The following CNTN6 variants were observed in gnomAD, a reference collection of about 807,000 sequenced individuals.
The protein encoded by CNTN6 is contactin 6, also known as contactin-6.
A neutral mutation model predicts 122.8 loss-of-function variants in CNTN6; 137 were observed. The observed-to-expected ratio is 1.12, with a 90% confidence interval of 0.97 to 1.29. The LOEUF is 1.29. Ranked by LOEUF, CNTN6 falls within the 50% of genes most tolerant of loss-of-function variation. The pLI is 0.00. For synonymous variants in CNTN6, 570 were observed against 426.0 expected, an observed-to-expected ratio of 1.34 and a Z score of -4.16; for missense variants, 1,634 against 1,223.4, an observed-to-expected ratio of 1.34 and a Z score of -5.01.
At chr3:1,273,482 A>G (rs1448001892) in intron 4 of CNTN6, among the ~76,000 whole-genome samples, 4 of 152,206 alleles carry the variant, frequency 2.6e-5, no homozygotes, top group Non-Finnish European at 5.9e-5. Flanking sequence ...CTTGCCTCAG[A>G]AAATGATCTG....
chr3:1,113,763 C>G (rs1217950640), intron 1 of CNTN6, among the ~76,000 whole-genome samples: 5 of 152,140 alleles, frequency 3.3e-5, no homozygotes, highest in Non-Finnish European at 1.5e-5. Flanking sequence ...CTGAAGACCT[C>G]TATTTAATCA....
At chr3:1,331,564 G>A (rs977311594) in intron 11 of CNTN6, among the ~76,000 whole-genome samples, 3 of 151,930 alleles carry the variant, frequency 2.0e-5, no homozygotes, top group African/African-American at 4.8e-5. Context: ...CTTTTTAAAT[G>A]TTTCCTCATG....
chr3:1,401,347 C>T, intron 20 of CNTN6, 86 bp from the exon 21 acceptor site: 1 of 1,042,432 alleles, frequency 9.6e-7, no homozygotes, highest in South Asian at 1.4e-5. Context: ...TCATCGAAGA[C>T]TTATTTTTTC....
intron 5 of CNTN6, among the ~76,000 whole-genome samples, chr3:1,287,171 TAAC>T (rs1300023245): frequency 2.0e-5 from 3 of 152,078 alleles, no homozygotes; most frequent in Non-Finnish European, 4.4e-5. Flanking sequence ...GACAGAAAAT[TAAC>T]AACGATATTC....
chr3:1,160,348 A>G (rs112837807), intron 2 of CNTN6, among the ~76,000 whole-genome samples: 3 of 87,896 alleles, frequency 3.4e-5, no homozygotes, highest in African/African-American at 1.8e-4. Context: ...TTTACTGTAT[A>G]TATATATATA....
chr3:1,278,807 G>C lies in CNTN6; in HGVS notation c.454+299G>C, dbSNP rs1299615080. 5.3e-5 allele frequency among the ~76,000 whole-genome samples: 8 copies of C among 152,104 alleles called. No homozygotes were observed. The South Asian group carries it at 1.7e-3, about 31-fold the overall frequency. On this transcript the variant is annotated intron_variant, in intron 5 of 22. Coordinates refer to ENST00000446702, the MANE Select transcript of CNTN6 (RefSeq NM_001289080.2). ...CAGCTGTAATTCGGTGCTGTGACAG[G>C]CAAACTTCATGACAAGGGGACAATT...
intron 7 of CNTN6, among the ~76,000 whole-genome samples, chr3:1,312,911 C>T (rs772634762): frequency 6.6e-5 from 10 of 151,058 alleles, no homozygotes; most frequent in Non-Finnish European, 1.2e-4. Context: ...CAACTGTAAT[C>T]GTATGTTTGA....
At chr3:1,284,099 C>G (rs559261306) in intron 5 of CNTN6, among the ~76,000 whole-genome samples, 1 of 152,304 alleles carries the variant, frequency 6.6e-6, no homozygotes, top group African/African-American at 2.4e-5. Flanking sequence ...CCATTCTCTC[C>G]TCAGATGCAA....
chr3:1,355,227 A>G (rs1706356835), intron 12 of CNTN6, among the ~76,000 whole-genome samples: 1 of 151,674 alleles, frequency 6.6e-6, no homozygotes. Context: ...GTACATACTT[A>G]ACCACACAAA....
intron 2 of CNTN6, among the ~76,000 whole-genome samples, chr3:1,188,157 A>G (rs2093654891): frequency 6.6e-6 from 1 of 152,206 alleles, no homozygotes; most frequent in African/African-American, 2.4e-5. Flanking sequence ...TTGAAAAACC[A>G]TATCCCCACC....
intron 1 of CNTN6, among the ~76,000 whole-genome samples, chr3:1,134,397 G>A (rs2092419314): frequency 1.3e-5 from 2 of 152,092 alleles, no homozygotes; most frequent in Non-Finnish European, 2.9e-5. Flanking sequence ...GTCTCCTACA[G>A]TGTGCTCTGT....
chr3:1,142,428 A>G (rs2092629540), intron 1 of CNTN6, among the ~76,000 whole-genome samples: 1 of 152,156 alleles, frequency 6.6e-6, no homozygotes, highest in South Asian at 2.1e-4. Flanking sequence ...ACTTCAAAAT[A>G]CAGGACTGCA....
At chr3:1,101,088 G>A (rs1015361641) in intron 1 of CNTN6, among the ~76,000 whole-genome samples, 1 of 151,982 alleles carries the variant, frequency 6.6e-6, no homozygotes, top group Admixed American at 6.6e-5. Context: ...AATATCTCTG[G>A]TTCTGGACTA....
intron 6 of CNTN6, 125 bp from the exon 7 acceptor site, chr3:1,297,764 A>G: frequency 2.6e-6 from 2 of 757,834 alleles, no homozygotes; most frequent in Non-Finnish European, 4.4e-6. Context: ...ATATGTATCC[A>G]ATTCTTAACT....
intron 11 of CNTN6, among the ~76,000 whole-genome samples, chr3:1,345,548 A>C (rs759226416): frequency 1.3e-5 from 2 of 152,202 alleles, no homozygotes; most frequent in African/African-American, 2.4e-5. Context: ...TAAAATAAGA[A>C]ATTTTTAAAA....
chr3:1,142,439 T>C (rs2092629783), intron 1 of CNTN6, among the ~76,000 whole-genome samples: 1 of 152,166 alleles, frequency 6.6e-6, no homozygotes, highest in Non-Finnish European at 1.5e-5. Flanking sequence ...CAGGACTGCA[T>C]CTTTTTCTAC....
At chr3:1,277,722 C>A (rs184836527) in intron 4 of CNTN6, among the ~76,000 whole-genome samples, 1 of 152,200 alleles carries the variant, frequency 6.6e-6, no homozygotes, top group Admixed American at 6.5e-5. Flanking sequence ...GGTAAAGAAA[C>A]TGAGGCTCAA....
At chr3:1,383,664 CAAAAAA>C (rs373934800) in intron 19 of CNTN6, among the ~76,000 whole-genome samples, 13 of 145,148 alleles carry the variant, frequency 9.0e-5, no homozygotes, top group African/African-American at 2.7e-4. Flanking sequence ...AAAACAAAAA[CAAAAAA>C]AAACAGCTTT....
At chr3:1,159,883 C>A (rs915589271) in intron 2 of CNTN6, among the ~76,000 whole-genome samples, 6 of 152,010 alleles carry the variant, frequency 3.9e-5, no homozygotes, top group African/African-American at 1.2e-4. Context: ...TACAGTGGCG[C>A]GGTCTCAGCT....
Sources: allele counts gnomAD v4.1 joint callset (sites outside exome capture counted in the v4.1 genomes callset), GRCh38; gene constraint gnomAD v4.1.1; transcripts MANE v1.5; gene names NCBI Gene and HGNC (gene_info 2026-07-23, HGNC 2026-07-21).